Variants in NADK2 observed in about 807,000 individuals in gnomAD.
The protein encoded by NADK2 is NAD kinase 2, mitochondrial.
In NADK2, 35 loss-of-function variants were observed where a neutral mutation model predicts 62.1. That is an observed-to-expected ratio of 0.56 (90% CI 0.43 to 0.75). NADK2 has a LOEUF of 0.75. Ranked by LOEUF, NADK2 falls within the 30% of genes least tolerant of loss-of-function variation. The pLI is 0.00. For missense variants in NADK2, 439 were observed against 561.3 expected, an observed-to-expected ratio of 0.78 and a Z score of 2.20; for synonymous variants, 205 against 207.9, an observed-to-expected ratio of 0.99 and a Z score of 0.12.
intron 6 of NADK2, among the ~76,000 whole-genome samples, chr5:36,215,434 T>A (rs1324302861): frequency 6.6e-6 from 1 of 152,214 alleles, no homozygotes; most frequent in Non-Finnish European, 1.5e-5. Flanking sequence ...GTCATTTGTG[T>A]TGGGAATATT....
Position 36,241,431 on chromosome 5 carries a change from A to AG in NADK2, c.300+67dup. On this transcript the variant is annotated intron_variant, in intron 1 of 11. Transcript: ENST00000381937. This position sits in a 1 kb window ranked among gnomAD's most constrained non-coding sequence, Gnocchi z 4.9. ...AGAGTCGTCCCGAGAGGTCCCCCCG[A>AG]GGGGGCGCAGCCGCCACCAGAGCCC... 6.9e-7 allele frequency: 1 copy of AG among 1,458,450 alleles called. No homozygotes were observed. 90.3% of individuals were successfully genotyped at this position (1,458,450 alleles called of 1,614,324 possible).
At chr5:36,214,432 G>A (rs1198018114) in intron 6 of NADK2, among the ~76,000 whole-genome samples, 1 of 152,044 alleles carries the variant, frequency 6.6e-6, no homozygotes, top group African/African-American at 2.4e-5. Context: ...TGCCCACCTC[G>A]GCCTCTCAAA....
intron 6 of NADK2, among the ~76,000 whole-genome samples, chr5:36,216,782 T>C (rs1005429740): frequency 1.3e-5 from 2 of 152,144 alleles, no homozygotes; most frequent in Non-Finnish European, 2.9e-5. Context: ...CTACCATCTA[T>C]TAGTGGTAGA....
chr5:36,200,567 A>G (rs562326414), intron 9 of NADK2, among the ~76,000 whole-genome samples: 55 of 152,106 alleles, frequency 3.6e-4, no homozygotes, highest in South Asian at 8.3e-4. Flanking sequence ...AAAATATTAC[A>G]TGGAAAATTA....
At position 36,241,668 on chromosome 5, in the gene NADK2, C is replaced by T. The variant is rs1748133281; in HGVS notation, c.131G>A (p.Arg44Gln). 3.3e-6 allele frequency: 4 copies of T among 1,216,624 alleles called. No individual in the cohort carries two copies. The highest frequency in any genetic ancestry group is 7.0e-5 in the East Asian group (2 of 28,454). 75.4% of individuals were successfully genotyped at this position (1,216,624 alleles called of 1,614,324 possible). The change falls in exon 1 of 12, where the codon CGG becomes CAG. Residue 44 changes from arginine to glutamine, a missense_variant. Physicochemically the swap from Arg to Gln is conservative, Grantham distance 43. Coordinates refer to ENST00000381937, the MANE Select transcript of NADK2 (RefSeq NM_001085411.3). This position sits in a 1 kb window ranked among gnomAD's most constrained non-coding sequence, Gnocchi z 4.9. ...RPRLGGDGGG[R>Q]RHLGQGQPRE... ...CGGCTGCCCCTGCCCCAGGTGCCGC[C>T]GGCCGCCACCGTCACCGCCCAGCCG...
intron 2 of NADK2, 107 bp downstream of exon 2, chr5:36,227,370 A>G (rs911782694): frequency 8.8e-6 from 4 of 455,002 alleles, no homozygotes; most frequent in African/African-American, 8.1e-5. Flanking sequence ...AAATGATTTT[A>G]TAATAACAAT....
intron 3 of NADK2, 53 bp from the exon 4 acceptor site, chr5:36,225,676 T>C: frequency 1.3e-6 from 2 of 1,551,530 alleles, no homozygotes; most frequent in Non-Finnish European, 8.9e-7. Context: ...GTTATAAATC[T>C]AGTTTTTGGC....
chr5:36,222,486 C>G (rs1279120917), intron 4 of NADK2, among the ~76,000 whole-genome samples: 1 of 152,068 alleles, frequency 6.6e-6, no homozygotes, highest in Non-Finnish European at 1.5e-5. Context: ...ATTTTTTAAG[C>G]TAAAGAATGT....
chr5:36,226,537 A>T lies in NADK2; in HGVS notation c.416T>A (p.Val139Glu), dbSNP rs1206738704. The T allele has an allele frequency of 6.2e-7, 1 of 1,612,716 alleles. No individual in the cohort carries two copies. Among genetic ancestry groups the T allele is most frequent in the East Asian group, 2.2e-5 (1 of 44,836 alleles). Residue 139 changes from valine (V) to glutamate (E), a missense_variant, in exon 3 of 12, where the codon GTA becomes GAA. Physicochemically the swap from Val to Glu is moderately radical, Grantham distance 121 (BLOSUM62 -2). Transcript: ENST00000381937. ...LRNEGIEVRL[V>E]KRREYDEETV... ...CTCTTCATCATATTCTCTCCTCTTT[A>T]CTAGACGAACCTCAATTCCCTCATT...
rs1746112582 is a variant in NADK2 at position 36,193,667 on chromosome 5, A to ATACTT, written c.*1472_*1476dup. 6.6e-6 allele frequency: 1 copy of ATACTT among 152,306 alleles called. No individual in the cohort carries two copies. The highest frequency in any genetic ancestry group is 2.4e-5 in the African/African-American group (1 of 41,432). The allele number at this position is 152,306 out of a possible 1,614,324, so 9.4% of individuals were successfully genotyped here. On this transcript the variant is annotated 3_prime_UTR_variant, in exon 12 of 12. Coordinates refer to ENST00000381937, the MANE Select transcript of NADK2 (RefSeq NM_001085411.3). ...TTCTTTGCTATGAATGTCTACGCAGATACTTTAAGAAAAATTGATTCTCTG... is the reference window on the plus strand; with the variant it reads ...TTCTTTGCTATGAATGTCTACGCAGATACTTTACTTTAAGAAAAATTGATTCTCTG...
chr5:36,236,446 G>C (rs1267775625), intron 1 of NADK2, among the ~76,000 whole-genome samples: 2 of 152,102 alleles, frequency 1.3e-5, no homozygotes, highest in Admixed American at 1.3e-4. Flanking sequence ...TTTTGCTTGG[G>C]CTCATGTTTT....
intron 8 of NADK2, among the ~76,000 whole-genome samples, chr5:36,206,465 C>G (rs1193095078): frequency 6.8e-6 from 1 of 148,076 alleles, no homozygotes; most frequent in Non-Finnish European, 1.5e-5. Context: ...TTCAGAAGTA[C>G]AATTAATAGG....
At chr5:36,236,634 A>G (rs1342007372) in intron 1 of NADK2, among the ~76,000 whole-genome samples, 1 of 152,186 alleles carries the variant, frequency 6.6e-6, no homozygotes, top group Non-Finnish European at 1.5e-5. Flanking sequence ...ATCTTAACAG[A>G]ACATCAGAAA....
rs34974252 is a variant in NADK2, at chr5:36,207,446, TA to T, written c.861-182del. 1.1e-3 allele frequency among the ~76,000 whole-genome samples: 169 copies of T among 147,152 alleles called. 1 individual carries two copies. Among genetic ancestry groups the T allele is most frequent in the African/African-American group, 3.1e-3 (124 of 40,168 alleles). On this transcript the variant is annotated intron_variant, in intron 7 of 11. Coordinates refer to ENST00000381937, the MANE Select transcript of NADK2 (RefSeq NM_001085411.3). ...ATTAAGTGAAAAAGTTAGAAGAAAT[TA>T]AAAAAAAAAAAACTACATGTCTGCA...
At chr5:36,212,013 ATT>A in intron 6 of NADK2, 91 bp from the exon 7 acceptor site, 1 of 969,840 alleles carries the variant, frequency 1.0e-6, no homozygotes, top group Non-Finnish European at 1.6e-6. Flanking sequence ...CAACTTTTAT[ATT>A]TTTGTTTTTA....
In NADK2 at chr5:36,205,533, T is replaced by G. The variant is rs1368131928; in HGVS notation, c.956+1637A>C. Among the ~76,000 whole-genome samples the G allele has an allele frequency of 6.6e-6, 1 of 152,026 alleles. No homozygotes were observed. Among genetic ancestry groups the G allele is most frequent in the Non-Finnish European group, 1.5e-5 (1 of 67,986 alleles). ...GGCCAATAAGATCGCTAAGGTCATA[T>G]GTTAAAGGGCCTCAAATGACAGATT... On this transcript the variant is annotated intron_variant, in intron 8 of 11. Transcript: ENST00000381937. This position sits in a 1 kb window ranked among gnomAD's most constrained non-coding sequence, Gnocchi z 4.1.
rs991545629 is a variant in NADK2, at chr5:36,241,349, G to A, written c.300+150C>T. On this transcript the variant is annotated intron_variant, in intron 1 of 11. Transcript: ENST00000381937. This position sits in a 1 kb window ranked among gnomAD's most constrained non-coding sequence, Gnocchi z 4.9. The stretch of plus-strand genomic sequence containing the variant: ...AAAGGCAAAGGAGGCCCAGGGAGAA[G>A]CCAGAGGACCTGGGGGCCGCGAGAG... 2.5e-5 allele frequency: 33 copies of A among 1,320,310 alleles called. No homozygotes were observed. In the East Asian group the frequency reaches 3.8e-4, roughly 15 times the overall value. The allele number at this position is 1,320,310 out of a possible 1,614,324, so 81.8% of individuals were successfully genotyped here.
At chr5:36,200,418 T>A in intron 9 of NADK2, 138 bp from the exon 10 acceptor site, 1 of 383,456 alleles carries the variant, frequency 2.6e-6, no homozygotes, top group Non-Finnish European at 4.3e-6. Context: ...ACATAATAGC[T>A]AATATAAAAC....
chr5:36,241,003 G>A lies in NADK2; in HGVS notation c.300+496C>T, dbSNP rs1748089561. Among the ~76,000 whole-genome samples the A allele has an allele frequency of 6.6e-6, 1 of 152,196 alleles. No individual in the cohort carries two copies. Among genetic ancestry groups the A allele is most frequent in the South Asian group, 2.1e-4 (1 of 4,834 alleles). On this transcript the variant is annotated intron_variant, in intron 1 of 11. Transcript: ENST00000381937. The surrounding 1 kb of genome is among the most constrained non-coding windows in gnomAD (Gnocchi z 4.9). ...AGTCCTGCAGAGTAAAAGGGGGTGTGTCCGCGGTTGTTTCGGCCCTTTTCC... is the reference window on the plus strand; with the variant it reads ...AGTCCTGCAGAGTAAAAGGGGGTGTATCCGCGGTTGTTTCGGCCCTTTTCC...
Sources: allele counts gnomAD v4.1 joint callset (sites outside exome capture counted in the v4.1 genomes callset), GRCh38; gene constraint gnomAD v4.1.1; non-coding constraint Gnocchi (gnomAD v3.1); transcripts MANE v1.5; gene names NCBI Gene and HGNC (gene_info 2026-07-23, HGNC 2026-07-21).